Variants in SLC30A9 observed in about 807,000 individuals in gnomAD.
SLC30A9 encodes proton-coupled zinc antiporter SLC30A9, mitochondrial.
SLC30A9 carries 58 observed loss-of-function variants against 87.5 expected under a neutral mutation model. That is an observed-to-expected ratio of 0.66 (90% confidence interval 0.54 to 0.82). The LOEUF (loss-of-function observed/expected upper bound fraction) is 0.82, where lower values mean the gene tolerates loss of function less well. Among genes scored for constraint, SLC30A9 ranks in the 40% least tolerant of loss-of-function variants. The probability of loss-of-function intolerance (pLI) is 0.00; values close to 1 mark genes in which losing one functional copy is unlikely to be tolerated. For synonymous variants in SLC30A9, 234 were observed against 233.0 expected, an observed-to-expected ratio of 1.00 and a Z score of -0.04; for missense variants, 557 against 679.1, an observed-to-expected ratio of 0.82 and a Z score of 2.00.
At chr4:42,075,010 A>G (rs1718462975) in intron 15 of SLC30A9, among the ~76,000 whole-genome samples, 1 of 128,664 alleles carries the variant, frequency 7.8e-6, no homozygotes, top group African/African-American at 2.9e-5. Context: ...AAATTGATTT[A>G]GAGTTAATGA....
At chr4:42,047,671 C>T (rs1003595495) in intron 8 of SLC30A9, among the ~76,000 whole-genome samples, 13 of 152,252 alleles carry the variant, frequency 8.5e-5, no homozygotes, top group Admixed American at 3.3e-4. Context: ...GACAGTGTGG[C>T]GATTCCTCCA....
chr4:42,057,014 C>T (rs575733307), intron 9 of SLC30A9, among the ~76,000 whole-genome samples: 11 of 152,324 alleles, frequency 7.2e-5, no homozygotes, highest in South Asian at 6.2e-4. Context: ...CTCCAGGTCA[C>T]GCTGATGCAA....
chr4:42,010,245 G>A (rs1715382542), intron 2 of SLC30A9, among the ~76,000 whole-genome samples: 1 of 152,148 alleles, frequency 6.6e-6, no homozygotes, highest in African/African-American at 2.4e-5. Flanking sequence ...AGGCCAAGGT[G>A]AAGGATCCCT....
chr4:42,029,113 A>G (rs1716310575), intron 6 of SLC30A9: 1 of 293,300 alleles, frequency 3.4e-6, no homozygotes, highest in Non-Finnish European at 7.0e-6. Context: ...GCGGAGAGCC[A>G]GGCCAGAGAC....
intron 2 of SLC30A9, among the ~76,000 whole-genome samples, chr4:42,014,627 A>G (rs1715624091): frequency 6.6e-6 from 1 of 152,108 alleles, no homozygotes; most frequent in Admixed American, 6.6e-5. Flanking sequence ...AGCACTGTTC[A>G]CAATAGCCAA....
chr4:42,070,458 CTCTCTATA>C (rs1224328027), intron 14 of SLC30A9, 60 bp from the exon 15 acceptor site: 2 of 1,219,340 alleles, frequency 1.6e-6, no homozygotes, highest in African/African-American at 3.0e-5. Context: ...TGGTTCTTTG[CTCTCTATA>C]AAGTTCACTG....
chr4:42,020,204 A>G (rs1715889554), intron 3 of SLC30A9, among the ~76,000 whole-genome samples: 1 of 152,236 alleles, frequency 6.6e-6, no homozygotes. Context: ...GGGATCAGTT[A>G]TAGATGACAT....
intron 10 of SLC30A9, among the ~76,000 whole-genome samples, chr4:42,061,218 A>C (rs1717842262): frequency 6.6e-6 from 1 of 152,246 alleles, no homozygotes; most frequent in Admixed American, 6.5e-5. Context: ...ATATCTGTCC[A>C]GTATGGTAGT....
intron 8 of SLC30A9, among the ~76,000 whole-genome samples, 157 bp downstream of exon 8, chr4:42,039,210 A>G (rs759418980): frequency 2.6e-5 from 4 of 152,154 alleles, no homozygotes; most frequent in Non-Finnish European, 4.4e-5. Context: ...TTGTCAGTAA[A>G]GTGGTGGGGA....
chr4:42,025,601 T>C (rs2153135952), intron 6 of SLC30A9, among the ~76,000 whole-genome samples: 1 of 152,332 alleles, frequency 6.6e-6, no homozygotes, highest in African/African-American at 2.4e-5. Context: ...TTCAAAAGTT[T>C]GAAGGAGACA....
rs991380699 is a variant in SLC30A9 at position 42,089,901 on chromosome 4, C to T, written c.*3775C>T. 7 of 152,156 alleles carry T rather than the reference C, an allele frequency of 4.6e-5. No individual in the cohort carries two copies. The highest frequency in any genetic ancestry group is 1.9e-4 in the East Asian group (1 of 5,200). 9.4% of individuals were successfully genotyped at this position (152,156 alleles called of 1,614,324 possible). On this transcript the variant is annotated 3_prime_UTR_variant, in exon 18 of 18. Transcript: ENST00000264451. ...CACACACATAGTGCAAAGTGAATAACAAAATGTCATAAGGCTTGAGTTTTT... is the reference window on the plus strand; with the variant it reads ...CACACACATAGTGCAAAGTGAATAATAAAATGTCATAAGGCTTGAGTTTTT...
At chr4:42,082,022 C>G (rs1402108037) in intron 17 of SLC30A9, among the ~76,000 whole-genome samples, 1 of 151,942 alleles carries the variant, frequency 6.6e-6, no homozygotes, top group Non-Finnish European at 1.5e-5. Context: ...TCGAGACCAT[C>G]CTGGCTAAAA....
rs1397510738 is a variant in SLC30A9, at chr4:42,067,117, ATAT to A, written c.1182_1184del (p.Leu395del). Reference sequence around the variant, plus strand: ...AAGTCGTGATCCTAGTACAAATGTGATATTATTGGAGGATACTGCTGCAGTCTT... The same window carrying A: ...AAGTCGTGATCCTAGTACAAATGTGATATTGGAGGATACTGCTGCAGTCTT... On this transcript the variant is annotated inframe_deletion, in exon 14 of 18. Transcript: ENST00000264451. 1.2e-6 allele frequency: 2 copies of A among 1,612,452 alleles called. No homozygotes were observed. The highest frequency in any genetic ancestry group is 2.7e-5 in the African/African-American group (2 of 74,870).
chr4:42,042,363 GT>G (rs1418113615), intron 8 of SLC30A9, among the ~76,000 whole-genome samples: 2 of 152,174 alleles, frequency 1.3e-5, no homozygotes, highest in Admixed American at 6.5e-5. Context: ...GGATGCTTGA[GT>G]TTGGTGTGTG....
chr4:42,050,749 A>G (rs1377305548), intron 9 of SLC30A9, among the ~76,000 whole-genome samples: 4 of 152,238 alleles, frequency 2.6e-5, no homozygotes, highest in African/African-American at 7.2e-5. Flanking sequence ...TAATAGCAGC[A>G]TAAGACCATG....
intron 4 of SLC30A9, among the ~76,000 whole-genome samples, chr4:42,022,114 T>A (rs1715986493): frequency 6.7e-6 from 1 of 150,028 alleles, no homozygotes; most frequent in South Asian, 2.2e-4. Flanking sequence ...TTTTGTATTT[T>A]TAGTAGAGAC....
chr4:42,058,913 G>C (rs1717736459), intron 9 of SLC30A9, among the ~76,000 whole-genome samples: 1 of 152,112 alleles, frequency 6.6e-6, no homozygotes, highest in South Asian at 2.1e-4. Context: ...ATCTTCCTTT[G>C]AATTTCCTGT....
intron 2 of SLC30A9, among the ~76,000 whole-genome samples, chr4:42,017,199 C>G (rs1715757062): frequency 6.6e-6 from 1 of 151,994 alleles, no homozygotes; most frequent in African/African-American, 2.4e-5. Context: ...GACATTTTTT[C>G]AAATGTTTAT....
chr4:41,990,626 C>G lies in SLC30A9; in HGVS notation c.-26C>G. ...CGGCGCGGAGGCAGAAGGCGGTGTC[C>G]GAGTAGGGGCCTCTGCCCCACCAGG... is the stretch of plus-strand genomic sequence containing the variant. On this transcript the variant is annotated 5_prime_UTR_variant, in exon 1 of 18. Transcript: ENST00000264451. 1 of 1,455,226 alleles carries G rather than the reference C, an allele frequency of 6.9e-7. No individual in the cohort carries two copies. The highest frequency in any genetic ancestry group is 9.5e-7 in the Non-Finnish European group (1 of 1,049,036). 90.1% of individuals were successfully genotyped at this position (1,455,226 alleles called of 1,614,324 possible). A position where few individuals can be genotyped will look rare whatever the true frequency, so the allele number is the denominator to read the frequency against.
Sources: gnomAD v4.1 joint callset for allele counts (sites outside exome capture counted in the v4.1 genomes callset) on GRCh38, gnomAD v4.1.1 for gene constraint, MANE v1.5 for transcripts, NCBI Gene and HGNC (gene_info 2026-07-23, HGNC 2026-07-21) for gene names.